Variants in MBNL1 observed in about 807,000 individuals in gnomAD.
The protein encoded by MBNL1 is muscleblind like splicing regulator 1.
In MBNL1, 8 loss-of-function variants were observed where a neutral mutation model predicts 42.2. The ratio of observed to expected loss-of-function variants is 0.19; its 90% CI spans 0.11 to 0.34. The LOEUF is 0.34. Ranked by LOEUF, MBNL1 falls within the 10% of genes least tolerant of loss-of-function variation. The pLI, the probability that MBNL1 is intolerant of heterozygous loss-of-function variation, is 1.00. For missense variants in MBNL1, 309 were observed against 495.3 expected, an observed-to-expected ratio of 0.62 and a Z score of 3.57; for synonymous variants, 169 against 173.9, an observed-to-expected ratio of 0.97 and a Z score of 0.22.
chr3:152,268,966 CA>C lies in MBNL1; in HGVS notation c.-914del, dbSNP rs1482983385. On this transcript the variant is annotated 5_prime_UTR_variant, in exon 1 of 10. The change creates a new upstream start codon in the 5' untranslated region. Coordinates refer to ENST00000324210, the MANE Select transcript of MBNL1 (RefSeq NM_021038.5). ...GCAGCTGAATGAGTTGTGGCGCCCA[CA>C]ATGCTCCCATGACAAGGAGCTGACA... 17 of 456,154 alleles carry C rather than the reference CA, an allele frequency of 3.7e-5. No homozygotes were observed. In the Admixed American group the frequency reaches 4.0e-4, roughly 11 times the overall value. The allele number at this position is 456,154 out of a possible 1,614,324, so 28.3% of individuals were successfully genotyped here.
At chr3:152,433,737 G>A (rs1006285794) in intron 4 of MBNL1, among the ~76,000 whole-genome samples, 88 of 137,508 alleles carry the variant, frequency 6.4e-4, no homozygotes, top group African/African-American at 1.6e-3. Flanking sequence ...GCGACAGAGC[G>A]AGACTCCGTC....
Position 152,464,078 on chromosome 3 carries a change from GTAGT to G in MBNL1, c.*1719_*1722del, listed in dbSNP as rs893048069. ...AGTAATGGTGACTTCACATGTTATT[GTAGT>G]TAGTTACATTATAGAATATTACTTA... On this transcript the variant is annotated 3_prime_UTR_variant, in exon 10 of 10. Transcript: ENST00000324210. The G allele has an allele frequency of 5.2e-5, 8 of 152,584 alleles. No homozygotes were observed. In the East Asian group the frequency reaches 9.6e-4, roughly 18 times the overall value. The allele number at this position is 152,584 out of a possible 1,614,324, so 9.5% of individuals were successfully genotyped here. A position where few individuals can be genotyped will look rare whatever the true frequency, so the allele number is the denominator to read the frequency against.
intron 1 of MBNL1, among the ~76,000 whole-genome samples, chr3:152,276,931 T>C (rs1397040438): frequency 6.6e-6 from 1 of 152,084 alleles, no homozygotes; most frequent in African/African-American, 2.4e-5. Flanking sequence ...AGGACATGTA[T>C]GCTGAGAGAA....
At chr3:152,355,438 C>A (rs2095443749) in intron 2 of MBNL1, among the ~76,000 whole-genome samples, 1 of 152,204 alleles carries the variant, frequency 6.6e-6, no homozygotes, top group East Asian at 1.9e-4. Context: ...TGTAATTTGA[C>A]ATCAGTTGAA....
chr3:152,315,267 G>A (rs182791780), intron 2 of MBNL1, among the ~76,000 whole-genome samples: 15 of 152,300 alleles, frequency 9.8e-5, no homozygotes, highest in Non-Finnish European at 1.8e-4. Context: ...TATTTGGTTA[G>A]CAGATGCTTT....
intron 2 of MBNL1, among the ~76,000 whole-genome samples, chr3:152,381,995 C>T (rs1180425987): frequency 2.6e-5 from 4 of 151,986 alleles, no homozygotes; most frequent in Admixed American, 6.6e-5. Flanking sequence ...AGGTGTTTGG[C>T]GTCTTTCTCA....
chr3:152,274,994 A>C (rs1294317055), intron 1 of MBNL1, among the ~76,000 whole-genome samples: 1 of 152,244 alleles, frequency 6.6e-6, no homozygotes, highest in Non-Finnish European at 1.5e-5. Flanking sequence ...TCTCAGTATT[A>C]GAATTTACAG....
In MBNL1 at chr3:152,445,463, A is replaced by T; in HGVS notation, c.731A>T (p.Gln244Leu). 1 of 1,614,134 alleles carries T rather than the reference A, an allele frequency of 6.2e-7. No individual in the cohort carries two copies. Among genetic ancestry groups the T allele is most frequent in the Non-Finnish European group, 8.5e-7 (1 of 1,179,976 alleles). ...CKYFHPPAHL[Q>L]AKIKAAQYQV... ...TACTTTCATCCCCCTGCACATTTGC[A>T]AGCCAAGATCAAGGCTGCCCAATAC... Residue 244 changes from glutamine to leucine, a missense_variant, in exon 5 of 10, where the codon CAA becomes CTA. Transcript: ENST00000324210.
At chr3:152,427,968 G>A (rs1347168531) in intron 3 of MBNL1, among the ~76,000 whole-genome samples, 1 of 151,182 alleles carries the variant, frequency 6.6e-6, no homozygotes, top group Admixed American at 6.6e-5. Flanking sequence ...TTCACATGGT[G>A]TTTTAAGATA....
intron 2 of MBNL1, chr3:152,341,048 T>G (rs1357934942): frequency 2.0e-6 from 2 of 1,024,176 alleles, no homozygotes; most frequent in Non-Finnish European, 2.7e-6. Context: ...AACAAAGCAT[T>G]TTATTCATAT....
chr3:152,326,422 A>C (rs2080124328), intron 2 of MBNL1, among the ~76,000 whole-genome samples: 1 of 152,198 alleles, frequency 6.6e-6, no homozygotes, highest in Non-Finnish European at 1.5e-5. Context: ...CTATCAGTGA[A>C]TCAGATTGGC....
intron 2 of MBNL1, among the ~76,000 whole-genome samples, chr3:152,305,014 T>C (rs2062332248): frequency 6.6e-6 from 1 of 152,214 alleles, no homozygotes; most frequent in South Asian, 2.1e-4. Flanking sequence ...ACACTGCGTC[T>C]ACTTTTTTTC....
chr3:152,385,311 G>A (rs2097363726), intron 2 of MBNL1, among the ~76,000 whole-genome samples: 1 of 151,998 alleles, frequency 6.6e-6, no homozygotes. Context: ...TGAGAGTGGG[G>A]AAAATGCCCA....
At chr3:152,434,013 T>A (rs547819395) in intron 4 of MBNL1, among the ~76,000 whole-genome samples, 1 of 152,302 alleles carries the variant, frequency 6.6e-6, no homozygotes. Context: ...CAAAATGACC[T>A]TTTCCTCTTT....
chr3:152,386,396 C>A (rs1359074643), intron 2 of MBNL1, among the ~76,000 whole-genome samples: 1 of 151,938 alleles, frequency 6.6e-6, no homozygotes, highest in Admixed American at 6.6e-5. Flanking sequence ...TCATATTTTT[C>A]ATAGAACATA....
intron 2 of MBNL1, among the ~76,000 whole-genome samples, chr3:152,311,588 T>A (rs928157469): frequency 2.0e-5 from 3 of 152,198 alleles, no homozygotes; most frequent in African/African-American, 7.2e-5. Context: ...TATTTTAATT[T>A]TTTGTTTATT....
chr3:152,282,741 A>G (rs1249963854), intron 1 of MBNL1, among the ~76,000 whole-genome samples: 1 of 152,214 alleles, frequency 6.6e-6, no homozygotes, highest in African/African-American at 2.4e-5. Context: ...ATTTTACAGC[A>G]TCTACCAATG....
chr3:152,391,809 G>GA (rs2097727785), intron 2 of MBNL1, among the ~76,000 whole-genome samples: 1 of 152,170 alleles, frequency 6.6e-6, no homozygotes, highest in Admixed American at 6.5e-5. Context: ...GAAGCACTGA[G>GA]AAGTACATTC....
intron 2 of MBNL1, among the ~76,000 whole-genome samples, chr3:152,356,678 C>G (rs934622097): frequency 6.6e-6 from 1 of 152,148 alleles, no homozygotes; most frequent in African/African-American, 2.4e-5. Flanking sequence ...CCATGTTGGT[C>G]AGGCTGGTCT....
Sources: gnomAD v4.1 joint callset for allele counts (sites outside exome capture counted in the v4.1 genomes callset) on GRCh38, gnomAD v4.1.1 for gene constraint, MANE v1.5 for transcripts, NCBI Gene and HGNC (gene_info 2026-07-23, HGNC 2026-07-21) for gene names.